The following DGKH variants were observed in gnomAD, a reference collection of about 807,000 sequenced individuals.
DGKH encodes diacylglycerol kinase eta.
In DGKH, 90 loss-of-function variants were observed where a neutral mutation model predicts 159.3. The ratio of observed to expected loss-of-function variants is 0.57; its 90% CI spans 0.48 to 0.67. The LOEUF (loss-of-function observed/expected upper bound fraction) is 0.67. Among genes scored for constraint, DGKH ranks in the 30% least tolerant of loss-of-function variants. The probability of loss-of-function intolerance (pLI) is 0.00; values close to 1 mark genes in which losing one functional copy is unlikely to be tolerated. For missense variants in DGKH, 1,181 were observed against 1,506.1 expected, an observed-to-expected ratio of 0.78 and a Z score of 3.57; for synonymous variants, 536 against 553.8, an observed-to-expected ratio of 0.97 and a Z score of 0.45.
chr13:42,117,783 A>G (rs1954991083), intron 1 of DGKH, among the ~76,000 whole-genome samples: 2 of 152,202 alleles, frequency 1.3e-5, no homozygotes, highest in Non-Finnish European at 2.9e-5. Flanking sequence ...TCTATAAGGA[A>G]CATCTCTAAA....
chr13:42,165,298 A>T (rs1342363522), intron 7 of DGKH, 33 bp from the exon 8 acceptor site: 8 of 1,181,018 alleles, frequency 6.8e-6, no homozygotes, highest in Non-Finnish European at 8.3e-6. Flanking sequence ...CATTATTTTT[A>T]TGATTCTTGA....
intron 1 of DGKH, among the ~76,000 whole-genome samples, chr13:42,111,013 C>T (rs1304301770): frequency 2.6e-5 from 4 of 151,812 alleles, no homozygotes; most frequent in African/African-American, 4.8e-5. Flanking sequence ...TGTTTACCTA[C>T]GTAACAAACC....
At chr13:42,159,961 G>C in intron 6 of DGKH, 50 bp from the exon 7 acceptor site, 1 of 1,613,670 alleles carries the variant, frequency 6.2e-7, no homozygotes, top group Non-Finnish European at 8.5e-7. Context: ...CTGGGGTAAG[G>C]TTGGTGTCCG....
chr13:42,185,232 A>C (rs553634130), intron 13 of DGKH, among the ~76,000 whole-genome samples: 1 of 152,352 alleles, frequency 6.6e-6, no homozygotes, highest in East Asian at 1.9e-4. Context: ...GAATATAAAT[A>C]TCCTATATTC....
chr13:42,213,321 G>A (rs1055929382), intron 24 of DGKH, among the ~76,000 whole-genome samples: 5 of 152,158 alleles, frequency 3.3e-5, no homozygotes, highest in African/African-American at 1.2e-4. Flanking sequence ...ATGATTGTGG[G>A]GTGCCTTTGA....
chr13:42,098,381 G>C (rs1436265142), intron 1 of DGKH, among the ~76,000 whole-genome samples: 2 of 152,074 alleles, frequency 1.3e-5, no homozygotes, highest in African/African-American at 4.8e-5. Context: ...CAGCTACTCG[G>C]GAGGCTGAGG....
At chr13:42,075,967 A>AAC (rs1258528788) in intron 1 of DGKH, among the ~76,000 whole-genome samples, 2 of 152,216 alleles carry the variant, frequency 1.3e-5, no homozygotes, top group African/African-American at 4.8e-5. Flanking sequence ...AGTATCATAC[A>AAC]ATAATAGCCT....
At chr13:42,098,127 G>A (rs930172356) in intron 1 of DGKH, among the ~76,000 whole-genome samples, 2 of 152,130 alleles carry the variant, frequency 1.3e-5, no homozygotes, top group Non-Finnish European at 2.9e-5. Flanking sequence ...ACTCATTAAG[G>A]TGTTTTTAAT....
intron 20 of DGKH, among the ~76,000 whole-genome samples, chr13:42,200,888 T>C (rs1594195922): frequency 6.6e-6 from 1 of 152,230 alleles, no homozygotes; most frequent in African/African-American, 2.4e-5. Flanking sequence ...TTGTAAATGC[T>C]ATCCTTGACA....
At chr13:42,168,585 A>G in intron 10 of DGKH, 37 bp downstream of exon 10, 1 of 1,613,768 alleles carries the variant, frequency 6.2e-7, no homozygotes, top group South Asian at 1.1e-5. Context: ...GTTAACATGA[A>G]TGCATACTAA....
At chr13:42,142,441 T>G (rs1368999110) in intron 3 of DGKH, among the ~76,000 whole-genome samples, 1 of 151,370 alleles carries the variant, frequency 6.6e-6, no homozygotes, top group East Asian at 1.9e-4. Context: ...AGAAAGTCAT[T>G]GGTAGCTTGA....
At chr13:42,108,459 G>A (rs1461380959) in intron 1 of DGKH, among the ~76,000 whole-genome samples, 1 of 152,144 alleles carries the variant, frequency 6.6e-6, no homozygotes, top group African/African-American at 2.4e-5. Flanking sequence ...AATTCATTTG[G>A]AATTCCGTAT....
chr13:42,053,262 A>G (rs1881454464), intron 1 of DGKH, among the ~76,000 whole-genome samples: 1 of 151,694 alleles, frequency 6.6e-6, no homozygotes, highest in Non-Finnish European at 1.5e-5. Context: ...ACCATGGCAC[A>G]TGTATACCTA....
At chr13:42,101,366 G>T (rs1367244520) in intron 1 of DGKH, among the ~76,000 whole-genome samples, 1 of 152,212 alleles carries the variant, frequency 6.6e-6, no homozygotes, top group Admixed American at 6.5e-5. Context: ...CATTTGATTT[G>T]TTGAAAGCTG....
intron 1 of DGKH, among the ~76,000 whole-genome samples, chr13:42,117,730 T>TTAAA (rs1393700309): frequency 2.0e-5 from 3 of 152,220 alleles, no homozygotes; most frequent in Non-Finnish European, 2.9e-5. Flanking sequence ...AAGAATGTAA[T>TTAAA]AATTCTATAG....
At chr13:42,074,651 CA>C (rs1883187301) in intron 1 of DGKH, among the ~76,000 whole-genome samples, 1 of 41,920 alleles carries the variant, frequency 2.4e-5, no homozygotes, top group African/African-American at 1.5e-4. Flanking sequence ...TCTATCCGTC[CA>C]TCCATCCATC....
At chr13:42,151,515 G>GTATATATATACACGTGTA (rs1566134443) in intron 3 of DGKH, among the ~76,000 whole-genome samples, 2 of 100,898 alleles carry the variant, frequency 2.0e-5, no homozygotes, top group African/African-American at 4.3e-5. Flanking sequence ...GTATACACAT[G>GTATATATATACACGTGTA]TATATATATA....
intron 2 of DGKH, 129 bp downstream of exon 2, chr13:42,127,702 G>A: frequency 1.5e-6 from 1 of 684,460 alleles, no homozygotes; most frequent in East Asian, 2.7e-5. Flanking sequence ...CAATATAAAT[G>A]TGATCTATCG....
At chr13:42,174,008 AG>A in intron 11 of DGKH, 51 bp from the exon 12 acceptor site, 3 of 1,384,856 alleles carry the variant, frequency 2.2e-6, no homozygotes, top group South Asian at 2.3e-5. Flanking sequence ...GCTAACAGTT[AG>A]TTTATCCAAT....
Sources: allele counts gnomAD v4.1 joint callset (sites outside exome capture counted in the v4.1 genomes callset), GRCh38; gene constraint gnomAD v4.1.1; transcripts MANE v1.5; gene names NCBI Gene and HGNC (gene_info 2026-07-23, HGNC 2026-07-21).